NBEA: variants seen among roughly 807,000 people sequenced by gnomAD.
NBEA encodes neurobeachin, also known as lysosomal-trafficking regulator 2.
NBEA carries 44 observed loss-of-function variants against 343.4 expected under a neutral mutation model. The observed-to-expected ratio is 0.13, with a 90% confidence interval of 0.10 to 0.16. The LOEUF is 0.16. Ranked by LOEUF, NBEA falls within the 10% of genes least tolerant of loss-of-function variation. The probability of loss-of-function intolerance (pLI) is 1.00; values close to 1 mark genes in which losing one functional copy is unlikely to be tolerated. For synonymous variants in NBEA, 1,175 were observed against 1,238.7 expected, an observed-to-expected ratio of 0.95 and a Z score of 1.08; for missense variants, 2,555 against 3,631.3, an observed-to-expected ratio of 0.70 and a Z score of 7.62.
chr13:35,517,381 T>C (rs958158886), intron 41 of NBEA, among the ~76,000 whole-genome samples: 2 of 152,238 alleles, frequency 1.3e-5, no homozygotes. Context: ...TACAGCTCTA[T>C]ATTCTTAGCT....
At chr13:35,664,786 T>C (rs1188618275) in intron 55 of NBEA, among the ~76,000 whole-genome samples, 1 of 152,264 alleles carries the variant, frequency 6.6e-6, no homozygotes, top group East Asian at 1.9e-4. Context: ...GCAGGCATTG[T>C]ACCTGTTTCA....
chr13:35,304,331 C>CTGTGTGTGTG lies in NBEA; in HGVS notation c.5839-5179_5839-5170dup, dbSNP rs375468846. 2.4e-3 allele frequency among the ~76,000 whole-genome samples: 362 copies of CTGTGTGTGTG among 148,992 alleles called. 1 individual carries two copies. Among genetic ancestry groups the CTGTGTGTGTG allele is most frequent in the African/African-American group, 8.6e-3 (348 of 40,618 alleles). The stretch of plus-strand genomic sequence containing the variant: ...ACATTGCCTTGACAAAAGCAATTCT[C>CTGTGTGTGTG]TGTGTGTGTGTGTGTGTGTGTGTGT... On this transcript the variant is annotated intron_variant, in intron 35 of 58. Transcript: ENST00000379939.
chr13:35,488,497 A>G (rs1373232722), intron 41 of NBEA, among the ~76,000 whole-genome samples: 3 of 151,920 alleles, frequency 2.0e-5, no homozygotes, highest in African/African-American at 2.4e-5. Flanking sequence ...TGTATCTACA[A>G]ATGAAATCTG....
At position 35,479,244 on chromosome 13, in the gene NBEA, T is replaced by G. The variant is rs576199014; in HGVS notation, c.6585+6708T>G. Among the ~76,000 whole-genome samples the G allele has an allele frequency of 2.6e-5, 4 of 152,282 alleles. No homozygotes were observed. In the South Asian group the frequency reaches 8.3e-4, roughly 32 times the overall value. Reference sequence around the variant, plus strand: ...CCTCACACAAGGAGCTGAAGGTGATTTACATAACATAGGATTCACCGGTCC... The same window carrying G: ...CCTCACACAAGGAGCTGAAGGTGATGTACATAACATAGGATTCACCGGTCC... On this transcript the variant is annotated intron_variant, in intron 41 of 58. Transcript: ENST00000379939.
At chr13:35,177,176 A>C in intron 28 of NBEA, 73 bp downstream of exon 28, 3 of 1,189,296 alleles carry the variant, frequency 2.5e-6, no homozygotes, top group African/African-American at 1.5e-5. Flanking sequence ...TTTTATAAGA[A>C]AGCTGCTTAT....
intron 34 of NBEA, among the ~76,000 whole-genome samples, chr13:35,283,987 GAC>G (rs34465386): frequency 0.015 from 2,053 of 140,924 alleles, 18 homozygotes; most frequent in African/African-American, 0.032. Flanking sequence ...TGTGTACACA[GAC>G]ACACACACAC....
At chr13:35,123,620 A>T in intron 17 of NBEA, 46 bp downstream of exon 17, 2 of 1,222,422 alleles carry the variant, frequency 1.6e-6, no homozygotes, top group Non-Finnish European at 2.2e-6. Context: ...AACTATTGAG[A>T]TTATGTTTTT....
intron 55 of NBEA, among the ~76,000 whole-genome samples, chr13:35,658,521 A>G (rs1291665785): frequency 2.0e-5 from 3 of 152,184 alleles, no homozygotes; most frequent in Non-Finnish European, 4.4e-5. Flanking sequence ...GAATGCTGCA[A>G]AGTCACAACC....
intron 34 of NBEA, among the ~76,000 whole-genome samples, chr13:35,282,009 T>C (rs1594066031): frequency 6.6e-6 from 1 of 151,768 alleles, no homozygotes; most frequent in Admixed American, 6.6e-5. Flanking sequence ...ACCTTCCGGG[T>C]TCACTCCATT....
At chr13:35,355,897 C>T (rs1479387750) in intron 38 of NBEA, among the ~76,000 whole-genome samples, 1 of 151,440 alleles carries the variant, frequency 6.6e-6, no homozygotes, top group East Asian at 1.9e-4. Flanking sequence ...TTGCATTTCC[C>T]CACTTTTCAA....
chr13:35,068,648 C>A (rs2063746555), intron 8 of NBEA, among the ~76,000 whole-genome samples: 1 of 152,162 alleles, frequency 6.6e-6, no homozygotes, highest in African/African-American at 2.4e-5. Context: ...CTTGTCTTGG[C>A]ACATGCCTGA....
At chr13:35,130,536 G>T (rs1250122682) in intron 17 of NBEA, among the ~76,000 whole-genome samples, 2 of 151,902 alleles carry the variant, frequency 1.3e-5, no homozygotes, top group Non-Finnish European at 1.5e-5. Context: ...GAATGTAAAA[G>T]TTTCAAATGC....
At chr13:34,946,018 A>G (rs2059175065) in intron 1 of NBEA, among the ~76,000 whole-genome samples, 1 of 152,192 alleles carries the variant, frequency 6.6e-6, no homozygotes, top group African/African-American at 2.4e-5. Context: ...ATATAAAATT[A>G]GTCATTTTTA....
chr13:35,115,073 A>G (rs1279061154), intron 13 of NBEA, among the ~76,000 whole-genome samples: 4 of 152,090 alleles, frequency 2.6e-5, no homozygotes, highest in Admixed American at 1.3e-4. Flanking sequence ...GCATTGAGAT[A>G]TATTAAAAAT....
At chr13:35,342,887 A>G (rs977381360) in intron 36 of NBEA, among the ~76,000 whole-genome samples, 1 of 151,698 alleles carries the variant, frequency 6.6e-6, no homozygotes, top group East Asian at 1.9e-4. Context: ...GAAGATTTTT[A>G]AAGTATTGGG....
chr13:35,517,236 A>G (rs1004283679), intron 41 of NBEA, among the ~76,000 whole-genome samples: 5 of 151,930 alleles, frequency 3.3e-5, no homozygotes, highest in Non-Finnish European at 7.4e-5. Flanking sequence ...CGCCCTCAAT[A>G]TTCTCCCATC....
chr13:35,106,811 A>T (rs1044891209), intron 11 of NBEA, among the ~76,000 whole-genome samples: 2 of 151,668 alleles, frequency 1.3e-5, no homozygotes, highest in African/African-American at 4.8e-5. Context: ...TGATGCTTCT[A>T]GTATACCTTT....
intron 41 of NBEA, among the ~76,000 whole-genome samples, chr13:35,488,296 T>C (rs923752064): frequency 6.6e-6 from 1 of 151,936 alleles, no homozygotes; most frequent in Non-Finnish European, 1.5e-5. Flanking sequence ...ATCCACTTAA[T>C]AAGACCTCAG....
intron 41 of NBEA, among the ~76,000 whole-genome samples, chr13:35,503,437 A>T (rs117697506): frequency 0.011 from 1,642 of 151,992 alleles, 20 homozygotes; most frequent in Non-Finnish European, 0.018. Flanking sequence ...ATATTTCTAT[A>T]TCAATAAGTA....
Sources: allele counts gnomAD v4.1 joint callset (sites outside exome capture counted in the v4.1 genomes callset), GRCh38; gene constraint gnomAD v4.1.1; transcripts MANE v1.5; gene names NCBI Gene and HGNC (gene_info 2026-07-23, HGNC 2026-07-21).